Variants in ELAPOR2 observed in about 807,000 individuals in gnomAD.
ELAPOR2 encodes endosome-lysosome associated apoptosis and autophagy regulator family member 2.
A neutral mutation model predicts 120.7 loss-of-function variants in ELAPOR2; 89 were observed. That is an observed-to-expected ratio of 0.74 (90% CI 0.62 to 0.88). The LOEUF (loss-of-function observed/expected upper bound fraction) is 0.88. Among genes scored for constraint, ELAPOR2 ranks in the 40% least tolerant of loss-of-function variants. The probability of loss-of-function intolerance (pLI) is 0.00; values close to 1 mark genes in which losing one functional copy is unlikely to be tolerated. For missense variants in ELAPOR2, 1,134 were observed against 1,251.6 expected (o/e 0.91, Z 1.42); for synonymous variants, 444 against 444.9 (o/e 1.00, Z 0.03).
intron 1 of ELAPOR2, among the ~76,000 whole-genome samples, chr7:87,009,905 A>G (rs1289664829): frequency 6.6e-6 from 1 of 152,232 alleles, no homozygotes; most frequent in African/African-American, 2.4e-5. Flanking sequence ...AAAAAGCTTT[A>G]AAGAACATCC....
At chr7:86,947,990 A>G in intron 2 of ELAPOR2, 68 bp from the exon 3 acceptor site, 1 of 1,078,630 alleles carries the variant, frequency 9.3e-7, no homozygotes, top group South Asian at 1.5e-5. Context: ...TCATGCTGTC[A>G]CCAGAATTAT....
chr7:87,004,060 T>C (rs1385040135), intron 1 of ELAPOR2, among the ~76,000 whole-genome samples: 2 of 152,190 alleles, frequency 1.3e-5, no homozygotes, highest in Non-Finnish European at 2.9e-5. Flanking sequence ...AGGTACTGGC[T>C]GTGCCATGAG....
At chr7:86,906,252 T>G (rs1485714291) in intron 18 of ELAPOR2, among the ~76,000 whole-genome samples, 1 of 152,116 alleles carries the variant, frequency 6.6e-6, no homozygotes, top group Non-Finnish European at 1.5e-5. Flanking sequence ...TGACCACACC[T>G]TTCCTTGGAG....
At chr7:86,986,440 A>AAAAAAAAAAAAAAG (rs554550596) in intron 1 of ELAPOR2, among the ~76,000 whole-genome samples, 1 of 74,422 alleles carries the variant, frequency 1.3e-5, no homozygotes, top group African/African-American at 7.6e-5. Flanking sequence ...AAAAAAAAAA[A>AAAAAAAAAAAAAAG]AAAGAAAACC....
intron 1 of ELAPOR2, among the ~76,000 whole-genome samples, chr7:86,966,740 G>A (rs1791919092): frequency 1.3e-5 from 2 of 152,210 alleles, no homozygotes; most frequent in African/African-American, 4.8e-5. Flanking sequence ...TTCAAAAGCT[G>A]TATTACAAGG....
chr7:86,926,920 C>CAAAA lies in ELAPOR2; in HGVS notation c.1090-8_1090-5dup, dbSNP rs397698585. On this transcript the variant is annotated splice_polypyrimidine_tract_variant and splice_region_variant and intron_variant, in intron 8 of 21. Transcript: ENST00000450689. ...TCCACTTGTACATTATCTGTGTCTA[C>CAAAA]AAAAAAAAAAAAAAAAAAAAAGCAA... The CAAAA allele has an allele frequency of 1.2e-3, 1,061 of 889,594 alleles. 2 individuals carry two copies. The highest frequency in any genetic ancestry group is 4.2e-3 in the African/African-American group (143 of 34,126). The allele number at this position is 889,594 out of a possible 1,614,324, so 55.1% of individuals were successfully genotyped here.
At chr7:86,927,797 T>A (rs1584360416) in intron 8 of ELAPOR2, among the ~76,000 whole-genome samples, 1 of 152,024 alleles carries the variant, frequency 6.6e-6, no homozygotes, top group East Asian at 1.9e-4. Context: ...ATAAATCAAC[T>A]ATTTAATAAC....
intron 4 of ELAPOR2, among the ~76,000 whole-genome samples, chr7:86,943,900 G>A (rs1790898229): frequency 6.6e-6 from 1 of 152,014 alleles, no homozygotes; most frequent in African/African-American, 2.4e-5. Context: ...TTATAGAAGT[G>A]AATGCTTAGT....
At position 87,049,570 on chromosome 7, in the gene ELAPOR2, G is replaced by A. The variant is rs959360344; in HGVS notation, c.189+9755C>T. 9.1e-4 allele frequency among the ~76,000 whole-genome samples: 139 copies of A among 152,098 alleles called. 2 individuals are homozygous for A. Among genetic ancestry groups the A allele is most frequent in the Non-Finnish European group, 2.9e-4 (20 of 67,986 alleles). On this transcript the variant is annotated intron_variant, in intron 1 of 21. Coordinates refer to ENST00000450689, the MANE Select transcript of ELAPOR2 (RefSeq NM_001142749.3). ...GTGCTGGGATTACAGGCGCCTGGCC[G>A]GGATTGCAATTTTAAATAGGTAGCC...
chr7:86,950,865 C>T (rs1392086286), intron 2 of ELAPOR2, among the ~76,000 whole-genome samples: 1 of 152,150 alleles, frequency 6.6e-6, no homozygotes. Context: ...ATCCTGTGAC[C>T]ATACTGAGAA....
At chr7:86,999,161 G>GA (rs1010704698) in intron 1 of ELAPOR2, among the ~76,000 whole-genome samples, 48 of 149,830 alleles carry the variant, frequency 3.2e-4, no homozygotes, top group African/African-American at 7.3e-4. Flanking sequence ...ATGAAAAAAA[G>GA]AAAAAAAAAG....
At chr7:86,907,543 A>C in intron 18 of ELAPOR2, 127 bp downstream of exon 18, 1 of 650,038 alleles carries the variant, frequency 1.5e-6, no homozygotes, top group Non-Finnish European at 2.5e-6. Flanking sequence ...CAAAAAAAAA[A>C]AAAACCCTAC....
At chr7:86,905,583 A>T (rs1325472289) in intron 18 of ELAPOR2, among the ~76,000 whole-genome samples, 1 of 152,176 alleles carries the variant, frequency 6.6e-6, no homozygotes, top group African/African-American at 2.4e-5. Flanking sequence ...GTCACATTTT[A>T]AATTAGCTTT....
intron 2 of ELAPOR2, among the ~76,000 whole-genome samples, chr7:86,959,858 G>A (rs1260150811): frequency 2.6e-5 from 4 of 152,072 alleles, no homozygotes; most frequent in African/African-American, 9.7e-5. Context: ...GGTACTTATT[G>A]CTATAAACTG....
intron 18 of ELAPOR2, among the ~76,000 whole-genome samples, chr7:86,905,130 A>AAGGAAGGAAG (rs1355938615): frequency 4.5e-4 from 42 of 92,970 alleles, no homozygotes; most frequent in East Asian, 2.5e-3. Context: ...AAGGAAGGAA[A>AAGGAAGGAAG]GAAAGAAAAG....
rs1374753621 is a variant in ELAPOR2 at position 86,878,647 on chromosome 7, G to A, written c.*1824C>T. The A allele has an allele frequency of 6.6e-6, 1 of 152,086 alleles. No homozygotes were observed. Among genetic ancestry groups the A allele is most frequent in the East Asian group, 1.9e-4 (1 of 5,186 alleles). 9.4% of individuals were successfully genotyped at this position (152,086 alleles called of 1,614,324 possible). A position where few individuals can be genotyped will look rare whatever the true frequency, so the allele number is the denominator to read the frequency against. ...CAGCTTTGCCAGGGTTCCTCTGAAA[G>A]GGTTCATTTCAAATGTATTTTCACT... is the stretch of plus-strand genomic sequence containing the variant. On this transcript the variant is annotated 3_prime_UTR_variant, in exon 22 of 22. Transcript: ENST00000450689.
intron 1 of ELAPOR2, among the ~76,000 whole-genome samples, chr7:87,029,560 T>C (rs1794361235): frequency 1.3e-5 from 2 of 152,356 alleles, no homozygotes; most frequent in South Asian, 2.1e-4. Flanking sequence ...TGGAAAACTA[T>C]GCAATGGAGG....
chr7:87,037,683 G>A lies in ELAPOR2; in HGVS notation c.189+21642C>T, dbSNP rs564571523. On this transcript the variant is annotated intron_variant, in intron 1 of 21. Coordinates refer to ENST00000450689, the MANE Select transcript of ELAPOR2 (RefSeq NM_001142749.3). ...ATCTTTCTAATTTGATGTTAATAGCGCTTCATAGCTTGCCTCGCAAGACCT... is the reference window on the plus strand; with the variant it reads ...ATCTTTCTAATTTGATGTTAATAGCACTTCATAGCTTGCCTCGCAAGACCT... Among the ~76,000 whole-genome samples the A allele has an allele frequency of 7.2e-5, 11 of 152,196 alleles. No homozygotes were observed. In the East Asian group the frequency reaches 7.7e-4, roughly 11 times the overall value.
At chr7:87,006,321 G>A (rs539389349) in intron 1 of ELAPOR2, among the ~76,000 whole-genome samples, 92 of 148,648 alleles carry the variant, frequency 6.2e-4, no homozygotes, top group Non-Finnish European at 8.9e-4. Context: ...TTAAAATCGC[G>A]ATGAGGCACC....
Sources: allele counts gnomAD v4.1 joint callset (sites outside exome capture counted in the v4.1 genomes callset), GRCh38; gene constraint gnomAD v4.1.1; transcripts MANE v1.5; gene names NCBI Gene and HGNC (gene_info 2026-07-23, HGNC 2026-07-21).